The following GRXCR1 variants were observed in gnomAD, a reference collection of about 807,000 sequenced individuals.
GRXCR1 encodes the protein glutaredoxin and cysteine rich domain containing 1.
GRXCR1 carries 27 observed loss-of-function variants against 27.3 expected under a neutral mutation model. The observed-to-expected ratio is 0.99, with a 90% confidence interval of 0.73 to 1.37. GRXCR1 has a LOEUF of 1.37. Ranked by LOEUF, GRXCR1 falls within the 40% of genes most tolerant of loss-of-function variation. GRXCR1 has a pLI of 0.00. For synonymous variants in GRXCR1, 122 were observed against 131.1 expected (o/e 0.93, Z 0.47); for missense variants, 379 against 354.4 (o/e 1.07, Z -0.56).
At chr4:42,915,476 TTTTTTAGTAG>T (rs1191940249) in intron 1 of GRXCR1, among the ~76,000 whole-genome samples, 1 of 152,108 alleles carries the variant, frequency 6.6e-6, no homozygotes, top group Non-Finnish European at 1.5e-5. Context: ...TTTTTCCTCC[TTTTTTAGTAG>T]TTTTTAGTAT....
intron 1 of GRXCR1, among the ~76,000 whole-genome samples, chr4:42,895,018 T>C (rs886892276): frequency 6.6e-6 from 1 of 152,178 alleles, no homozygotes; most frequent in African/African-American, 2.4e-5. Context: ...CTAAAAGTTT[T>C]AGTACTTTGA....
chr4:42,972,325 T>A (rs1748408144), intron 2 of GRXCR1, among the ~76,000 whole-genome samples: 1 of 152,184 alleles, frequency 6.6e-6, no homozygotes, highest in Non-Finnish European at 1.5e-5. Flanking sequence ...TCATGAACAT[T>A]CAAATCTTCT....
At chr4:42,907,803 G>A (rs906376179) in intron 1 of GRXCR1, among the ~76,000 whole-genome samples, 7 of 152,126 alleles carry the variant, frequency 4.6e-5, no homozygotes, top group Admixed American at 1.3e-4. Context: ...AACTCTTACT[G>A]CATTGCTTGG....
intron 1 of GRXCR1, among the ~76,000 whole-genome samples, chr4:42,940,626 G>A (rs911871237): frequency 6.6e-6 from 1 of 151,960 alleles, no homozygotes; most frequent in African/African-American, 2.4e-5. Context: ...ATGAATCAAG[G>A]AATAATATTA....
chr4:43,002,912 A>G (rs1301416583), intron 2 of GRXCR1, among the ~76,000 whole-genome samples: 1 of 152,224 alleles, frequency 6.6e-6, no homozygotes, highest in Non-Finnish European at 1.5e-5. Flanking sequence ...CCATGTGTCA[A>G]GGAAGAAACC....
intron 3 of GRXCR1, among the ~76,000 whole-genome samples, chr4:43,024,733 T>G (rs1413179931): frequency 6.6e-6 from 1 of 152,170 alleles, no homozygotes; most frequent in Non-Finnish European, 1.5e-5. Context: ...AGCAGCTTGG[T>G]CAGGCAGAGG....
intron 1 of GRXCR1, among the ~76,000 whole-genome samples, chr4:42,923,698 T>G (rs1747075322): frequency 6.6e-6 from 1 of 152,064 alleles, no homozygotes; most frequent in South Asian, 2.1e-4. Flanking sequence ...ACACACAGTA[T>G]TCCCACAAAA....
intron 2 of GRXCR1, among the ~76,000 whole-genome samples, chr4:43,002,254 C>A (rs978350448): frequency 4.6e-5 from 7 of 152,384 alleles, no homozygotes; most frequent in African/African-American, 1.7e-4. Context: ...TCTCATCCCA[C>A]GAGGCCATAT....
intron 2 of GRXCR1, among the ~76,000 whole-genome samples, chr4:43,014,034 AG>A (rs1318212327): frequency 6.7e-6 from 1 of 149,024 alleles, no homozygotes; most frequent in Non-Finnish European, 1.5e-5. Flanking sequence ...TGACACCCAA[AG>A]GTCTGTATTA....
chr4:42,917,576 C>A (rs1345459187), intron 1 of GRXCR1, among the ~76,000 whole-genome samples: 1 of 152,108 alleles, frequency 6.6e-6, no homozygotes, highest in Non-Finnish European at 1.5e-5. Context: ...CCACTGACAC[C>A]TGTTTTAATT....
At chr4:42,937,327 C>G (rs1374412344) in intron 1 of GRXCR1, among the ~76,000 whole-genome samples, 1 of 146,072 alleles carries the variant, frequency 6.8e-6, no homozygotes, top group Non-Finnish European at 1.5e-5. Context: ...GTAAGATGAT[C>G]CAGGCTCACC....
At chr4:42,932,474 G>A (rs1031276723) in intron 1 of GRXCR1, among the ~76,000 whole-genome samples, 1 of 118,510 alleles carries the variant, frequency 8.4e-6, no homozygotes, top group Non-Finnish European at 1.8e-5. Flanking sequence ...TTATCATGCA[G>A]CCATGGTCTC....
At chr4:42,943,447 A>T (rs750599580) in intron 1 of GRXCR1, among the ~76,000 whole-genome samples, 1 of 152,048 alleles carries the variant, frequency 6.6e-6, no homozygotes, top group Non-Finnish European at 1.5e-5. Context: ...GATCGCTAGA[A>T]GTACTTGCTA....
At chr4:42,981,207 T>C (rs564441520) in intron 2 of GRXCR1, among the ~76,000 whole-genome samples, 135 of 152,008 alleles carry the variant, frequency 8.9e-4, no homozygotes, top group African/African-American at 3.1e-3. Flanking sequence ...TACTTTCTTA[T>C]GTCTCTACTA....
intron 2 of GRXCR1, among the ~76,000 whole-genome samples, chr4:43,016,501 A>G (rs1712935199): frequency 6.6e-6 from 1 of 152,164 alleles, no homozygotes; most frequent in Non-Finnish European, 1.5e-5. Context: ...TGTTCTTAGC[A>G]TCTTGTAGCA....
intron 2 of GRXCR1, among the ~76,000 whole-genome samples, chr4:42,970,564 A>G (rs11945327): frequency 0.031 from 4,660 of 152,230 alleles, 80 homozygotes; most frequent in South Asian, 0.058. Context: ...GTCCCAAGCT[A>G]TATTTTGTCC....
chr4:43,024,656 T>G (rs1193261460), intron 3 of GRXCR1, among the ~76,000 whole-genome samples: 1 of 152,216 alleles, frequency 6.6e-6, no homozygotes, highest in Non-Finnish European at 1.5e-5. Flanking sequence ...AGTGGCTTCT[T>G]TCTCAACTCT....
intron 2 of GRXCR1, among the ~76,000 whole-genome samples, chr4:42,987,277 T>G (rs148515862): frequency 0.22 from 22,541 of 103,488 alleles, 2,650 homozygotes; most frequent in East Asian, 0.28. Flanking sequence ...TATATATATA[T>G]AGAGAGAGAG....
intron 1 of GRXCR1, among the ~76,000 whole-genome samples, chr4:42,908,503 T>C (rs1336444656): frequency 6.6e-6 from 1 of 152,204 alleles, no homozygotes; most frequent in Admixed American, 6.6e-5. Flanking sequence ...TAGTGACATC[T>C]GATTTGCAGA....
Sources: gnomAD v4.1 joint callset for allele counts (sites outside exome capture counted in the v4.1 genomes callset) on GRCh38, gnomAD v4.1.1 for gene constraint, MANE v1.5 for transcripts, NCBI Gene and HGNC (gene_info 2026-07-23, HGNC 2026-07-21) for gene names.